The following CDH12 variants were observed in gnomAD, a reference collection of about 807,000 sequenced individuals.
CDH12 encodes the protein cadherin 12, also known as cadherin-12.
In CDH12, 41 loss-of-function variants were observed where a neutral mutation model predicts 74.1. That is an observed-to-expected ratio of 0.55 (90% CI 0.43 to 0.72). CDH12 has a LOEUF of 0.72. Ranked by LOEUF, CDH12 falls within the 30% of genes least tolerant of loss-of-function variation. The pLI, the probability that CDH12 is intolerant of heterozygous loss-of-function variation, is 0.00. For synonymous variants in CDH12, 399 were observed against 355.0 expected (o/e 1.12, Z -1.39); for missense variants, 945 against 977.2 (o/e 0.97, Z 0.44).
At chr5:22,803,893 A>G (rs964656075) in intron 1 of CDH12, among the ~76,000 whole-genome samples, 1 of 152,206 alleles carries the variant, frequency 6.6e-6, no homozygotes, top group African/African-American at 2.4e-5. Context: ...GCAAAACAGC[A>G]GAATATTTAT....
intron 13 of CDH12, among the ~76,000 whole-genome samples, chr5:21,757,338 G>A (rs1744458215): frequency 6.6e-6 from 1 of 151,980 alleles, no homozygotes; most frequent in African/African-American, 2.4e-5. Context: ...ACCACGCCCA[G>A]CGAATTTTTG....
chr5:22,244,817 A>T (rs935996235), intron 3 of CDH12, among the ~76,000 whole-genome samples: 1 of 151,604 alleles, frequency 6.6e-6, no homozygotes, highest in Admixed American at 6.6e-5. Flanking sequence ...TCAAAGTAGG[A>T]GTGGGGAGCT....
At position 22,014,520 on chromosome 5, in the gene CDH12, G is replaced by A. The variant is rs1201639577; in HGVS notation, c.232-39135C>T. ...GTATTCTATATAATATGTAATGAAG[G>A]TTGATAGACATAACCTTTTCTTGAT... is the stretch of plus-strand genomic sequence containing the variant. On this transcript the variant is annotated intron_variant, in intron 5 of 14. Coordinates refer to ENST00000382254, the MANE Select transcript of CDH12 (RefSeq NM_004061.5). Among the ~76,000 whole-genome samples, 7 of 152,026 alleles carry A rather than the reference G, an allele frequency of 4.6e-5. No individual in the cohort carries two copies. The South Asian group carries it at 6.2e-4, about 14-fold the overall frequency.
intron 1 of CDH12, among the ~76,000 whole-genome samples, chr5:22,627,737 T>C (rs947393707): frequency 6.6e-6 from 1 of 152,082 alleles, no homozygotes; most frequent in Non-Finnish European, 1.5e-5. Flanking sequence ...CACATATCAA[T>C]ATTACCCTTG....
chr5:21,919,028 A>C (rs1034106331), intron 6 of CDH12, among the ~76,000 whole-genome samples: 21 of 152,272 alleles, frequency 1.4e-4, no homozygotes, highest in African/African-American at 4.6e-4. Context: ...ATTTCACTTG[A>C]TTGCTCCTTT....
intron 3 of CDH12, among the ~76,000 whole-genome samples, chr5:22,306,666 G>C (rs1738127942): frequency 1.3e-5 from 2 of 152,078 alleles, no homozygotes; most frequent in African/African-American, 2.4e-5. Flanking sequence ...ACAGCTCTGG[G>C]TTCTGGGGTC....
chr5:22,832,508 G>A (rs943936742), intron 1 of CDH12, among the ~76,000 whole-genome samples: 4 of 152,038 alleles, frequency 2.6e-5, no homozygotes, highest in Non-Finnish European at 5.9e-5. Flanking sequence ...AAAATGTATG[G>A]GGTGAGATAC....
intron 4 of CDH12, among the ~76,000 whole-genome samples, chr5:22,087,549 G>A (rs919537173): frequency 3.9e-5 from 6 of 152,070 alleles, no homozygotes; most frequent in African/African-American, 1.4e-4. Context: ...GCTGAGGCAG[G>A]AGAATTGCCT....
chr5:22,433,315 C>T (rs995855374), intron 2 of CDH12, among the ~76,000 whole-genome samples: 1 of 152,092 alleles, frequency 6.6e-6, no homozygotes, highest in Non-Finnish European at 1.5e-5. Flanking sequence ...AAACAATTGG[C>T]TGATTAACAG....
At chr5:22,322,519 A>T (rs559607349) in intron 3 of CDH12, among the ~76,000 whole-genome samples, 1 of 152,304 alleles carries the variant, frequency 6.6e-6, no homozygotes, top group East Asian at 1.9e-4. Flanking sequence ...TAGAAACTCA[A>T]TAAATTTAAA....
intron 3 of CDH12, among the ~76,000 whole-genome samples, chr5:22,327,428 CTGTGTGTGTG>C (rs71609761): frequency 2.0e-3 from 204 of 103,328 alleles, no homozygotes; most frequent in Middle Eastern, 5.4e-3. Context: ...ATTTGTGCCT[CTGTGTGTGTG>C]TGTGTGTGTG....
intron 2 of CDH12, among the ~76,000 whole-genome samples, chr5:22,428,787 T>C (rs1037666617): frequency 1.3e-5 from 2 of 152,182 alleles, no homozygotes; most frequent in Non-Finnish European, 2.9e-5. Context: ...AGCAGGTTGC[T>C]TCTCTCTTCT....
intron 13 of CDH12, among the ~76,000 whole-genome samples, chr5:21,759,905 G>T (rs372236703): frequency 3.9e-5 from 6 of 151,958 alleles, no homozygotes; most frequent in Non-Finnish European, 1.5e-5. Flanking sequence ...TCTTATCATT[G>T]AGCTCCCACT....
intron 6 of CDH12, among the ~76,000 whole-genome samples, chr5:21,972,225 C>A (rs1756881534): frequency 6.6e-6 from 1 of 152,058 alleles, no homozygotes; most frequent in Admixed American, 6.6e-5. Flanking sequence ...GGTTATTTCA[C>A]TATATGTATT....
intron 6 of CDH12, among the ~76,000 whole-genome samples, chr5:21,967,617 A>T (rs1447784252): frequency 2.0e-5 from 3 of 152,218 alleles, no homozygotes; most frequent in Non-Finnish European, 4.4e-5. Context: ...GTGGCTGCTA[A>T]AGTAACTATC....
intron 5 of CDH12, among the ~76,000 whole-genome samples, chr5:21,994,798 C>G (rs1004546737): frequency 5.9e-5 from 9 of 152,118 alleles, no homozygotes; most frequent in African/African-American, 2.2e-4. Flanking sequence ...CTGTGACTAG[C>G]TAAAGATTTG....
chr5:22,613,760 T>G (rs1472407326), intron 1 of CDH12, among the ~76,000 whole-genome samples: 1 of 152,074 alleles, frequency 6.6e-6, no homozygotes, highest in African/African-American at 2.4e-5. Context: ...AAGCGATTGC[T>G]TTGATTGGGG....
chr5:22,423,577 A>G (rs1384014840), intron 2 of CDH12, among the ~76,000 whole-genome samples: 1 of 152,190 alleles, frequency 6.6e-6, no homozygotes, highest in African/African-American at 2.4e-5. Context: ...GTTTGTACGC[A>G]TGTAGGGAAA....
chr5:22,420,276 A>G (rs1743582656), intron 2 of CDH12, among the ~76,000 whole-genome samples: 2 of 152,084 alleles, frequency 1.3e-5, no homozygotes, highest in South Asian at 4.1e-4. Context: ...GGTATGGCCT[A>G]GATTTTCTTC....
Sources: gnomAD v4.1 joint callset for allele counts (sites outside exome capture counted in the v4.1 genomes callset) on GRCh38, gnomAD v4.1.1 for gene constraint, MANE v1.5 for transcripts, NCBI Gene and HGNC (gene_info 2026-07-23, HGNC 2026-07-21) for gene names.